ARMC9: variants seen among roughly 807,000 people sequenced by gnomAD.
ARMC9 encodes the protein lisH domain-containing protein ARMC9.
A neutral mutation model predicts 107.0 loss-of-function variants in ARMC9; 94 were observed. The observed-to-expected ratio is 0.88, with a 90% CI of 0.74 to 1.04. The LOEUF (loss-of-function observed/expected upper bound fraction) is 1.04, where lower values mean the gene tolerates loss of function less well. ARMC9 is among the 50% of genes least tolerant of loss of function. The probability of loss-of-function intolerance (pLI) is 0.00; values close to 1 mark genes in which losing one functional copy is unlikely to be tolerated. For missense variants in ARMC9, 942 were observed against 1,030.1 expected (o/e 0.91, Z 1.17); for synonymous variants, 380 against 396.9 (o/e 0.96, Z 0.51).
chr2:231,210,752 T>TA (rs2032715942), intron 3 of ARMC9, among the ~76,000 whole-genome samples: 1 of 152,224 alleles, frequency 6.6e-6, no homozygotes, highest in Non-Finnish European at 1.5e-5. Context: ...TAGGTCTTTT[T>TA]AAAAAATTGT....
intron 1 of ARMC9, among the ~76,000 whole-genome samples, chr2:231,204,001 CAAAT>C (rs1485851091): frequency 6.6e-6 from 1 of 151,468 alleles, no homozygotes; most frequent in African/African-American, 2.4e-5. Context: ...AAAAACCAAA[CAAAT>C]GAAAAAACCA....
intron 23 of ARMC9, among the ~76,000 whole-genome samples, chr2:231,364,430 A>G (rs1480162167): frequency 6.6e-6 from 1 of 152,250 alleles, no homozygotes; most frequent in African/African-American, 2.4e-5. Context: ...GAGATTGTAC[A>G]TATGTCTACA....
At position 231,370,068 on chromosome 2, in the gene ARMC9, G is replaced by A; in HGVS notation, c.2377G>A (p.Gly793Ser). ...TCTGGCCCCTCTGTTCTCTTCGTGT[G>A]GCCCCCAGCAGGCCAGCCGCCCCGG... ...SVLAPLFSSC[G>S]PQQASRPGST... is the part of the protein sequence containing the mutation. The change falls in exon 24 of 25, where the codon GGC becomes AGC. Residue 793 changes from glycine to serine, a missense_variant. Gly to Ser is a moderately conservative substitution (Grantham distance 56). Transcript: ENST00000611582. 6.5e-7 allele frequency: 1 copy of A among 1,535,174 alleles called. No individual in the cohort carries two copies. The highest frequency in any genetic ancestry group is 8.7e-7 in the Non-Finnish European group (1 of 1,146,320).
intron 13 of ARMC9, among the ~76,000 whole-genome samples, chr2:231,271,354 C>T (rs1375992030): frequency 6.6e-6 from 1 of 152,072 alleles, no homozygotes; most frequent in Non-Finnish European, 1.5e-5. Context: ...ATATTGCTTT[C>T]AAGTATATCA....
intron 6 of ARMC9, among the ~76,000 whole-genome samples, chr2:231,225,959 C>T (rs1368215618): frequency 6.6e-5 from 10 of 152,172 alleles, no homozygotes; most frequent in Admixed American, 5.2e-4. Flanking sequence ...CAGGTTCAAG[C>T]GATTCTCCTG....
At chr2:231,283,621 G>A (rs1419428302) in intron 17 of ARMC9, among the ~76,000 whole-genome samples, 1 of 152,152 alleles carries the variant, frequency 6.6e-6, no homozygotes, top group African/African-American at 2.4e-5. Context: ...GTAGAGATGG[G>A]GTTTCACCAT....
intron 17 of ARMC9, among the ~76,000 whole-genome samples, chr2:231,284,996 G>A (rs747519751): frequency 2.0e-5 from 3 of 152,178 alleles, no homozygotes; most frequent in Non-Finnish European, 4.4e-5. Flanking sequence ...TCAGGAGTTT[G>A]AGACCAGCCT....
chr2:231,363,004 CAG>C (rs1235235352), intron 23 of ARMC9, among the ~76,000 whole-genome samples: 1 of 152,176 alleles, frequency 6.6e-6, no homozygotes, highest in Admixed American at 6.5e-5. Context: ...GTGCAGGGCA[CAG>C]AGAGCGTGCA....
intron 19 of ARMC9, among the ~76,000 whole-genome samples, chr2:231,328,114 A>G (rs1373711879): frequency 6.6e-6 from 1 of 152,114 alleles, no homozygotes; most frequent in Non-Finnish European, 1.5e-5. Context: ...GCATGTAGTG[A>G]TATCTCATTG....
At chr2:231,342,378 ATAT>A in intron 20 of ARMC9, among the ~76,000 whole-genome samples, 1 of 152,244 alleles carries the variant, frequency 6.6e-6, no homozygotes, top group Non-Finnish European at 1.5e-5. Context: ...AGAGTCTAAA[ATAT>A]TCTCGAATAC....
rs2125590876 is a variant in ARMC9, at chr2:231,355,908, C to T, written c.2105C>T (p.Thr702Ile). The T allele has an allele frequency of 6.5e-7, 1 of 1,536,070 alleles. No individual in the cohort carries two copies. The stretch of plus-strand genomic sequence containing the variant: ...GTCTACAGGGAGGGCAAGCCCAGCA[C>T]CCCGGAGTCCTGCGTCTCCTCTTCA... Reference protein sequence around the residue: ...EAVYREGKPSTPESCVSSSSA... With the variant: ...EAVYREGKPSIPESCVSSSSA... Residue 702 changes from threonine to isoleucine, a missense_variant, in exon 22 of 25, where the codon ACC becomes ATC. Coordinates refer to ENST00000611582, the MANE Select transcript of ARMC9 (RefSeq NM_001352754.2).
At chr2:231,303,042 T>C (rs1168294033) in intron 19 of ARMC9, among the ~76,000 whole-genome samples, 1 of 152,234 alleles carries the variant, frequency 6.6e-6, no homozygotes, top group East Asian at 1.9e-4. Context: ...ATTTTTATCT[T>C]GTTAATTAAA....
intron 13 of ARMC9, among the ~76,000 whole-genome samples, chr2:231,272,500 G>A (rs2039422494): frequency 6.8e-6 from 1 of 147,492 alleles, no homozygotes; most frequent in Non-Finnish European, 1.5e-5. Context: ...CAACCAGTAA[G>A]TGTTTGTTTG....
intron 23 of ARMC9, among the ~76,000 whole-genome samples, chr2:231,366,115 A>C (rs1390290246): frequency 6.6e-6 from 1 of 152,206 alleles, no homozygotes; most frequent in Non-Finnish European, 1.5e-5. Flanking sequence ...CAAGCGCAGA[A>C]TCTGATGGGG....
intron 16 of ARMC9, 122 bp downstream of exon 16, chr2:231,278,580 C>G: frequency 1.3e-6 from 1 of 780,018 alleles, no homozygotes; most frequent in Non-Finnish European, 2.1e-6. Flanking sequence ...TGTACATGTT[C>G]TCTGTCCTTC....
Position 231,316,681 on chromosome 2 carries a change from GA to G in ARMC9, c.1774-15103del, listed in dbSNP as rs965279625. ...CTCCATCTCAAAAAAAAAAAAGAAA[GA>G]AAAAAAAAGAATTCTTAGTCAACAG... On this transcript the variant is annotated intron_variant, in intron 19 of 24. Transcript: ENST00000611582. 7.4e-5 allele frequency among the ~76,000 whole-genome samples: 11 copies of G among 148,386 alleles called. 1 individual carries two copies. The highest frequency in any genetic ancestry group is 2.2e-4 in the African/African-American group (9 of 40,492).
chr2:231,256,733 G>A (rs2037854487), intron 10 of ARMC9, 113 bp downstream of exon 10: 1 of 1,101,170 alleles, frequency 9.1e-7, no homozygotes, highest in Admixed American at 1.8e-5. Context: ...ATGCCTTTGA[G>A]CTAGAGCTAC....
intron 18 of ARMC9, 79 bp downstream of exon 18, chr2:231,291,522 A>G: frequency 6.9e-7 from 1 of 1,444,464 alleles, no homozygotes; most frequent in South Asian, 1.1e-5. Context: ...ATTTCATTCA[A>G]GAGGCCTTTA....
chr2:231,215,170 G>T, intron 4 of ARMC9, 169 bp downstream of exon 4: 1 of 627,624 alleles, frequency 1.6e-6, no homozygotes. Flanking sequence ...ATTCCCAGCA[G>T]TTTATATTCT....
Sources: allele counts gnomAD v4.1 joint callset (sites outside exome capture counted in the v4.1 genomes callset), GRCh38; gene constraint gnomAD v4.1.1; transcripts MANE v1.5; gene names NCBI Gene and HGNC (gene_info 2026-07-23, HGNC 2026-07-21).